Variants in UHRF2 observed in about 807,000 individuals in gnomAD.
UHRF2 encodes the protein ubiquitin like with PHD and ring finger domains 2.
A neutral mutation model predicts 96.8 loss-of-function variants in UHRF2; 23 were observed. The ratio of observed to expected loss-of-function variants is 0.24; its 90% CI spans 0.17 to 0.34. UHRF2 has a LOEUF of 0.34. Ranked by LOEUF, UHRF2 falls within the 10% of genes least tolerant of loss-of-function variation. UHRF2 has a pLI of 1.00. For synonymous variants in UHRF2, 385 were observed against 332.6 expected (o/e 1.16, Z -1.72); for missense variants, 685 against 981.5 (o/e 0.70, Z 4.04).
intron 3 of UHRF2, among the ~76,000 whole-genome samples, chr9:6,454,147 A>T (rs569253881): frequency 1.3e-5 from 2 of 152,320 alleles, no homozygotes; most frequent in East Asian, 3.9e-4. Flanking sequence ...AATATAGTCC[A>T]AAAGATTTGG....
At chr9:6,464,794 CT>C (rs1256601934) in intron 4 of UHRF2, among the ~76,000 whole-genome samples, 1 of 152,112 alleles carries the variant, frequency 6.6e-6, no homozygotes, top group African/African-American at 2.4e-5. Context: ...CAGTTCCACA[CT>C]TTCATAATAC....
chr9:6,455,524 A>C (rs1822126858), intron 3 of UHRF2, among the ~76,000 whole-genome samples: 1 of 152,076 alleles, frequency 6.6e-6, no homozygotes, highest in African/African-American at 2.4e-5. Flanking sequence ...ACATTTTCTT[A>C]ATCCAGTCTA....
At chr9:6,445,492 C>G (rs1821434431) in intron 3 of UHRF2, among the ~76,000 whole-genome samples, 1 of 152,168 alleles carries the variant, frequency 6.6e-6, no homozygotes. Context: ...AACTCCTGAC[C>G]TCAAGTGATC....
chr9:6,435,129 C>A (rs1414227019), intron 3 of UHRF2, among the ~76,000 whole-genome samples: 1 of 151,840 alleles, frequency 6.6e-6, no homozygotes, highest in Non-Finnish European at 1.5e-5. Flanking sequence ...GAGTAGCTAG[C>A]ATTAGAGGCG....
At chr9:6,482,461 G>T (rs1823983088) in intron 8 of UHRF2, among the ~76,000 whole-genome samples, 2 of 152,166 alleles carry the variant, frequency 1.3e-5, no homozygotes. Context: ...CTTGTTTCAG[G>T]TGTTGTTTTT....
chr9:6,463,512 C>T (rs988864064), intron 4 of UHRF2, among the ~76,000 whole-genome samples: 1 of 151,478 alleles, frequency 6.6e-6, no homozygotes, highest in African/African-American at 2.4e-5. Context: ...GCTCTGTTGC[C>T]CAGGCTGCAT....
intron 1 of UHRF2, among the ~76,000 whole-genome samples, chr9:6,418,321 T>C (rs1047278835): frequency 3.3e-5 from 5 of 151,830 alleles, no homozygotes; most frequent in Non-Finnish European, 7.4e-5. Context: ...TTATCAGGGC[T>C]TACTTGCTTA....
At chr9:6,479,350 T>A (rs190412192) in intron 6 of UHRF2, among the ~76,000 whole-genome samples, 2 of 152,122 alleles carry the variant, frequency 1.3e-5, no homozygotes, top group African/African-American at 4.8e-5. Context: ...GGTTACTCTG[T>A]TTTATAGATT....
intron 3 of UHRF2, among the ~76,000 whole-genome samples, chr9:6,438,392 A>T (rs1321895487): frequency 1.3e-5 from 2 of 152,230 alleles, no homozygotes; most frequent in Non-Finnish European, 2.9e-5. Flanking sequence ...TTTTACCTCT[A>T]AGCCAGTGTC....
chr9:6,418,089 G>C (rs908205010), intron 1 of UHRF2, among the ~76,000 whole-genome samples: 2 of 152,016 alleles, frequency 1.3e-5, no homozygotes, highest in Non-Finnish European at 2.9e-5. Flanking sequence ...ATGTTTGTCA[G>C]TTGTATGTTA....
At chr9:6,424,506 A>G (rs1476555730) in intron 2 of UHRF2, among the ~76,000 whole-genome samples, 1 of 152,114 alleles carries the variant, frequency 6.6e-6, no homozygotes, top group Non-Finnish European at 1.5e-5. Flanking sequence ...TTGTGTTACC[A>G]CCTCCATCAT....
intron 3 of UHRF2, among the ~76,000 whole-genome samples, chr9:6,448,187 C>T (rs1000371280): frequency 2.6e-5 from 4 of 152,034 alleles, no homozygotes; most frequent in African/African-American, 9.7e-5. Context: ...GACAGAGTAC[C>T]TAAGATGTCT....
intron 9 of UHRF2, among the ~76,000 whole-genome samples, chr9:6,487,182 CTTTTTT>C (rs1171978950): frequency 1.4e-3 from 97 of 69,574 alleles, no homozygotes; most frequent in African/African-American, 5.7e-3. Flanking sequence ...TTTTTTTTTC[CTTTTTT>C]TTTTTTTTTT....
chr9:6,431,327 G>A (rs1820551337), intron 2 of UHRF2, among the ~76,000 whole-genome samples: 1 of 151,300 alleles, frequency 6.6e-6, no homozygotes, highest in Non-Finnish European at 1.5e-5. Flanking sequence ...CTTTTTTTTG[G>A]CCAGGCAGGG....
chr9:6,488,565 G>C (rs1362224965), intron 9 of UHRF2, among the ~76,000 whole-genome samples: 1 of 14,214 alleles, frequency 7.0e-5, no homozygotes, highest in Admixed American at 5.8e-4. Flanking sequence ...TTTTTTTTTT[G>C]AGATGGAATC....
Position 6,434,068 on chromosome 9 carries a change from A to G in UHRF2, c.539A>G (p.His180Arg), listed in dbSNP as rs374844283. The G allele has an allele frequency of 9.3e-6, 15 of 1,614,068 alleles. No homozygotes were observed. The highest frequency in any genetic ancestry group is 5.3e-5 in the African/African-American group (4 of 74,948). ...AAAAGGACTAATGGAAATATAAAGC[A>G]TAAATCCAAAGAGAACACAAATAAA... ...SCKRTNGNIK[H>R]KSKENTNKLD... is the part of the protein sequence containing the mutation. The change falls in exon 3 of 16, where the codon CAT becomes CGT. Residue 180 changes from histidine (H) to arginine (R), a missense_variant. By Grantham distance (29) the His-to-Arg change is conservative. This residue lies in a region of UHRF2 where 391 missense variants were observed against 437.0 expected (regional missense o/e 0.89). Transcript: ENST00000276893.
intron 12 of UHRF2, chr9:6,499,273 C>T (rs1825138294): frequency 8.9e-6 from 1 of 112,294 alleles, no homozygotes; most frequent in Non-Finnish European, 1.6e-5. Context: ...AAGAAGGTAG[C>T]CATTGAAACA....
At position 6,460,702 on chromosome 9, in the gene UHRF2, A is replaced by G. The variant is rs762257596; in HGVS notation, c.774A>G (p.Gly258=). 8 of 1,613,872 alleles carry G rather than the reference A, an allele frequency of 5.0e-6. No individual in the cohort carries two copies. The Admixed American group carries it at 8.3e-5, about 17-fold the overall frequency. ...VMVNYNVESP[G]QRGFWFDAEI... ...TTAATTATAATGTAGAAAGTCCTGGACAAAGAGGATTCTGGTTTGATGCAG... is the reference window on the plus strand; with the variant it reads ...TTAATTATAATGTAGAAAGTCCTGGGCAAAGAGGATTCTGGTTTGATGCAG... The change falls in exon 4 of 16, where the codon GGA becomes GGG. Residue 258 remains glycine (G), a synonymous_variant. Coordinates refer to ENST00000276893, the MANE Select transcript of UHRF2 (RefSeq NM_152896.3).
intron 2 of UHRF2, among the ~76,000 whole-genome samples, chr9:6,424,611 C>G (rs891428726): frequency 2.0e-5 from 3 of 151,974 alleles, no homozygotes; most frequent in Admixed American, 6.6e-5. Flanking sequence ...ACCTAGTTTT[C>G]CCTCTTAAGA....
Sources: allele counts gnomAD v4.1 joint callset (sites outside exome capture counted in the v4.1 genomes callset), GRCh38; gene constraint gnomAD v4.1.1; regional missense constraint gnomAD v4.1.1; transcripts MANE v1.5; gene names NCBI Gene and HGNC (gene_info 2026-07-23, HGNC 2026-07-21).